Variants in HIVEP3 observed in about 807,000 individuals in gnomAD.
HIVEP3 encodes the protein HIVEP zinc finger 3.
Under a neutral mutation model 152.8 loss-of-function variants are expected in HIVEP3, and 49 were observed. The ratio of observed to expected loss-of-function variants is 0.32; its 90% CI spans 0.26 to 0.41. HIVEP3 has a LOEUF of 0.41. Among genes scored for constraint, HIVEP3 ranks in the 10% least tolerant of loss-of-function variants. The pLI is 1.00. For missense variants in HIVEP3, 2,790 were observed against 3,103.3 expected, an observed-to-expected ratio of 0.90 and a Z score of 2.40; for synonymous variants, 1,269 against 1,289.0, an observed-to-expected ratio of 0.98 and a Z score of 0.33.
intron 1 of HIVEP3, among the ~76,000 whole-genome samples, chr1:41,783,876 C>T (rs977329131): frequency 6.6e-5 from 10 of 152,174 alleles, no homozygotes; most frequent in African/African-American, 2.4e-4. Flanking sequence ...GCAGCAAAAT[C>T]ATGGAAGGAA....
intron 1 of HIVEP3, among the ~76,000 whole-genome samples, chr1:41,865,216 C>A (rs1643946696): frequency 6.6e-6 from 1 of 152,208 alleles, no homozygotes; most frequent in Admixed American, 6.5e-5. Context: ...GTCACAGCCA[C>A]AACAGCAGCT....
chr1:41,528,554 TCA>T (rs62652042), intron 5 of HIVEP3, among the ~76,000 whole-genome samples: 1 of 2,670 alleles, frequency 3.7e-4, no homozygotes, highest in Non-Finnish European at 7.1e-4. Flanking sequence ...CACCCCACCC[TCA>T]CACACCCCAC....
intron 1 of HIVEP3, among the ~76,000 whole-genome samples, chr1:41,852,525 G>T (rs1389519271): frequency 3.3e-5 from 5 of 152,198 alleles, no homozygotes; most frequent in African/African-American, 1.2e-4. Flanking sequence ...CTTAGGGTGG[G>T]TTCTACACTC....
intron 3 of HIVEP3, among the ~76,000 whole-genome samples, chr1:41,621,206 C>T (rs1645042439): frequency 1.3e-5 from 2 of 152,230 alleles, no homozygotes; most frequent in Admixed American, 1.3e-4. Flanking sequence ...CTCTTCCTCC[C>T]ACAGACCACG....
chr1:41,511,106 C>T lies in HIVEP3; in HGVS notation c.6566G>A (p.Arg2189His), dbSNP rs531744210. The T allele has an allele frequency of 6.9e-5, 112 of 1,614,126 alleles. No homozygotes were observed. The highest frequency in any genetic ancestry group is 6.7e-4 in the African/African-American group (50 of 75,018). ...HLPLHSQHLT[R>H]APCPLIPIGG... ...GATGGGAATCAAGGGACATGGGGCACGGGTCAAGTGCTGGGAGTGCAGAGG... is the reference window on the plus strand; with the variant it reads ...GATGGGAATCAAGGGACATGGGGCATGGGTCAAGTGCTGGGAGTGCAGAGG... Residue 2189 changes from arginine to histidine, a missense_variant, in exon 9 of 9, where the codon CGT becomes CAT. This residue lies in a region of HIVEP3 where 816 missense variants were observed against 806.5 expected (regional missense o/e 1.01). Transcript: ENST00000372583. This position sits in a 1 kb window ranked among gnomAD's most constrained non-coding sequence, Gnocchi z 4.9.
rs187758436 is a variant in HIVEP3, at chr1:41,973,540, G to C, written n.120-55016C>G. The stretch of plus-strand genomic sequence containing the variant: ...GACATGGTAACTGGCTTCACCAATG[G>C]AAAGAGAAAGAGAGAGGCAGAGACA... On this transcript the variant is annotated intron_variant and non_coding_transcript_variant, in intron 1 of 3. Transcript: ENST00000489103. 2.0e-5 allele frequency among the ~76,000 whole-genome samples: 3 copies of C among 152,350 alleles called. No homozygotes were observed. In the East Asian group the frequency reaches 5.8e-4, roughly 29 times the overall value.
chr1:41,842,275 A>G (rs373858264), intron 1 of HIVEP3, among the ~76,000 whole-genome samples: 119 of 152,226 alleles, frequency 7.8e-4, no homozygotes, highest in African/African-American at 2.7e-3. Flanking sequence ...AAAACTATCC[A>G]AATTAAACCC....
At chr1:41,804,313 C>T in intron 1 of HIVEP3, among the ~76,000 whole-genome samples, 1 of 152,304 alleles carries the variant, frequency 6.6e-6, no homozygotes, top group Admixed American at 6.5e-5. Flanking sequence ...CATGGCTCTC[C>T]CCACCAACCG....
At chr1:41,705,632 G>A (rs1262808197) in intron 1 of HIVEP3, among the ~76,000 whole-genome samples, 6 of 152,178 alleles carry the variant, frequency 3.9e-5, no homozygotes, top group African/African-American at 1.2e-4. Context: ...GACACTGCCC[G>A]GCGCTCACAG....
At chr1:41,846,689 A>G (rs1643454040) in intron 1 of HIVEP3, among the ~76,000 whole-genome samples, 1 of 152,200 alleles carries the variant, frequency 6.6e-6, no homozygotes, top group Non-Finnish European at 1.5e-5. Flanking sequence ...CTCTTACTAC[A>G]CTGTGAAGTA....
At chr1:41,998,367 C>T (rs1645407124) in intron 1 of HIVEP3, among the ~76,000 whole-genome samples, 1 of 152,280 alleles carries the variant, frequency 6.6e-6, no homozygotes, top group East Asian at 1.9e-4. Flanking sequence ...ATCACTATGT[C>T]TCCTTCCACT....
chr1:41,797,186 G>A (rs1650033633), intron 1 of HIVEP3, among the ~76,000 whole-genome samples: 1 of 152,184 alleles, frequency 6.6e-6, no homozygotes. Flanking sequence ...TCCCACACCT[G>A]GCTGAACACG....
chr1:41,635,128 C>T (rs1474694326), intron 2 of HIVEP3, among the ~76,000 whole-genome samples: 1 of 152,004 alleles, frequency 6.6e-6, no homozygotes, highest in Non-Finnish European at 1.5e-5. Context: ...TAGACATTAA[C>T]AAATAGCAAA....
chr1:41,821,010 T>A (rs1642578974), intron 1 of HIVEP3, among the ~76,000 whole-genome samples: 1 of 152,224 alleles, frequency 6.6e-6, no homozygotes, highest in African/African-American at 2.4e-5. Context: ...GTGTGCTGAT[T>A]TTCCCCTTTC....
At chr1:41,600,368 T>C (rs143620832) in intron 3 of HIVEP3, among the ~76,000 whole-genome samples, 226 of 152,348 alleles carry the variant, frequency 1.5e-3, no homozygotes, top group East Asian at 0.012. Context: ...TTGTAGCATG[T>C]GTCAGAATTT....
intron 1 of HIVEP3, among the ~76,000 whole-genome samples, chr1:41,741,243 C>T (rs1247418319): frequency 6.6e-6 from 1 of 152,148 alleles, no homozygotes. Context: ...TCTCCCGGGT[C>T]CCCTAGCACC....
At chr1:41,954,196 G>A (rs553429824) in intron 1 of HIVEP3, among the ~76,000 whole-genome samples, 1 of 152,146 alleles carries the variant, frequency 6.6e-6, no homozygotes, top group African/African-American at 2.4e-5. Flanking sequence ...CTGGATGTGT[G>A]GAATATTTAA....
At chr1:41,704,853 G>T (rs1217863985) in intron 1 of HIVEP3, among the ~76,000 whole-genome samples, 2 of 152,216 alleles carry the variant, frequency 1.3e-5, no homozygotes, top group African/African-American at 4.8e-5. Flanking sequence ...CAAAGCTGGA[G>T]CTGTTTGACT....
chr1:41,618,321 G>A (rs775178179), intron 3 of HIVEP3, among the ~76,000 whole-genome samples: 21 of 152,218 alleles, frequency 1.4e-4, no homozygotes, highest in Non-Finnish European at 2.6e-4. Flanking sequence ...CCCAGGCCAG[G>A]AGCCAAGCCT....
Sources: allele counts gnomAD v4.1 joint callset (sites outside exome capture counted in the v4.1 genomes callset), GRCh38; gene constraint gnomAD v4.1.1; regional missense constraint gnomAD v4.1.1; non-coding constraint Gnocchi (gnomAD v3.1); transcripts MANE v1.5; gene names NCBI Gene and HGNC (gene_info 2026-07-23, HGNC 2026-07-21).